PLXDC2: variants seen among roughly 807,000 people sequenced by gnomAD.
PLXDC2 encodes the protein plexin domain containing 2.
In PLXDC2, 40 loss-of-function variants were observed where a neutral mutation model predicts 68.9. The ratio of observed to expected loss-of-function variants is 0.58; its 90% CI spans 0.45 to 0.76. The LOEUF is 0.76. PLXDC2 is among the 30% of genes least tolerant of loss of function. The pLI is 0.00. For missense variants in PLXDC2, 644 were observed against 661.9 expected, an observed-to-expected ratio of 0.97 and a Z score of 0.30; for synonymous variants, 243 against 234.2, an observed-to-expected ratio of 1.04 and a Z score of -0.34.
At chr10:20,023,276 A>T (rs572944881) in intron 2 of PLXDC2, among the ~76,000 whole-genome samples, 1 of 152,026 alleles carries the variant, frequency 6.6e-6, no homozygotes. Flanking sequence ...ATTTATTCAC[A>T]TTTTACTCTT....
chr10:19,962,129 G>A (rs1038871134), intron 1 of PLXDC2, among the ~76,000 whole-genome samples: 4 of 152,046 alleles, frequency 2.6e-5, no homozygotes, highest in Admixed American at 2.0e-4. Flanking sequence ...TTAGGAAAAA[G>A]TCTTATATAT....
intron 9 of PLXDC2, among the ~76,000 whole-genome samples, chr10:20,194,276 T>C (rs1834808650): frequency 6.6e-6 from 1 of 151,252 alleles, no homozygotes; most frequent in South Asian, 2.1e-4. Flanking sequence ...AAGGGTATCA[T>C]CTTGGTAACC....
intron 1 of PLXDC2, among the ~76,000 whole-genome samples, chr10:19,881,099 T>C (rs1837718183): frequency 6.6e-6 from 1 of 152,084 alleles, no homozygotes; most frequent in African/African-American, 2.4e-5. Flanking sequence ...TTTCTGAAAT[T>C]TATGTGTAAG....
chr10:20,143,339 A>G lies in PLXDC2; in HGVS notation c.586A>G (p.Thr196Ala), dbSNP rs1834031333. The G allele has an allele frequency of 1.2e-6, 2 of 1,613,268 alleles. No homozygotes were observed. Among genetic ancestry groups the G allele is most frequent in the Non-Finnish European group, 1.7e-6 (2 of 1,179,362 alleles). ...AGTCGTACATCGAATGCTAACAGCC[A>G]CACAGTACATAGCACCTTTAATGGC... ...GEVVHRMLTA[T>A]QYIAPLMANF... Residue 196 changes from threonine to alanine, a missense_variant, in exon 5 of 14, where the codon ACA (threonine) becomes GCA (alanine). Transcript: ENST00000377252.
chr10:20,039,046 A>C (rs1564291628), intron 2 of PLXDC2, among the ~76,000 whole-genome samples: 1 of 152,184 alleles, frequency 6.6e-6, no homozygotes, highest in Non-Finnish European at 1.5e-5. Flanking sequence ...AATTTACCTC[A>C]CTAAAGTGAC....
intron 1 of PLXDC2, among the ~76,000 whole-genome samples, chr10:19,839,635 G>GTTT (rs1554838987): frequency 2.0e-5 from 3 of 147,286 alleles, no homozygotes; most frequent in Non-Finnish European, 4.5e-5. Flanking sequence ...ACATGTTGGT[G>GTTT]TTTTTTTTTT....
At chr10:19,941,576 A>G (rs912997592) in intron 1 of PLXDC2, among the ~76,000 whole-genome samples, 3 of 152,104 alleles carry the variant, frequency 2.0e-5, no homozygotes, top group Admixed American at 6.5e-5. Context: ...GGAATTCATC[A>G]TTTTGTTCTC....
intron 1 of PLXDC2, among the ~76,000 whole-genome samples, chr10:19,894,108 T>C (rs1337933951): frequency 6.6e-6 from 1 of 152,150 alleles, no homozygotes; most frequent in Non-Finnish European, 1.5e-5. Context: ...CAGGCTATAG[T>C]GCAGAACTGT....
intron 4 of PLXDC2, among the ~76,000 whole-genome samples, chr10:20,105,173 C>T (rs1165272726): frequency 6.6e-6 from 1 of 151,940 alleles, no homozygotes; most frequent in African/African-American, 2.4e-5. Context: ...CCTTGAGACT[C>T]TCCACCCGCC....
intron 3 of PLXDC2, among the ~76,000 whole-genome samples, chr10:20,051,898 C>T (rs7919778): frequency 0.19 from 29,408 of 151,818 alleles, 4,013 homozygotes; most frequent in East Asian, 0.57. Context: ...CTACTTGACT[C>T]TACTGTTATA....
intron 1 of PLXDC2, among the ~76,000 whole-genome samples, chr10:19,919,384 G>C (rs979688151): frequency 6.6e-6 from 1 of 151,986 alleles, no homozygotes; most frequent in African/African-American, 2.4e-5. Context: ...CAGGAATGCA[G>C]CTTGCTGCCA....
intron 2 of PLXDC2, among the ~76,000 whole-genome samples, chr10:20,026,928 A>G (rs1408878987): frequency 7.7e-5 from 7 of 91,094 alleles, no homozygotes; most frequent in Non-Finnish European, 1.4e-4. Flanking sequence ...TCTAATATAT[A>G]GAATACACTT....
intron 9 of PLXDC2, among the ~76,000 whole-genome samples, chr10:20,183,949 T>A (rs2358870): frequency 6.6e-6 from 1 of 151,728 alleles, no homozygotes; most frequent in Non-Finnish European, 1.5e-5. Context: ...CATATTTTCT[T>A]TGATCCAATC....
chr10:19,889,897 A>G (rs558122725), intron 1 of PLXDC2, among the ~76,000 whole-genome samples: 1 of 152,286 alleles, frequency 6.6e-6, no homozygotes, highest in African/African-American at 2.4e-5. Flanking sequence ...CAAAAATACT[A>G]CGGGGTTGTT....
At chr10:20,047,594 A>G (rs556879708) in intron 3 of PLXDC2, among the ~76,000 whole-genome samples, 1 of 152,254 alleles carries the variant, frequency 6.6e-6, no homozygotes, top group South Asian at 2.1e-4. Context: ...TAAATAATTT[A>G]ACTATTCTGA....
chr10:19,947,651 G>A (rs577792287), intron 1 of PLXDC2, among the ~76,000 whole-genome samples: 1 of 151,224 alleles, frequency 6.6e-6, no homozygotes, highest in South Asian at 2.1e-4. Context: ...ATACACCTCA[G>A]GGTGATTTAT....
At chr10:19,937,727 A>G (rs928551196) in intron 1 of PLXDC2, among the ~76,000 whole-genome samples, 1 of 151,954 alleles carries the variant, frequency 6.6e-6, no homozygotes, top group Non-Finnish European at 1.5e-5. Context: ...GTTTCTTGCC[A>G]CACTCTGTGG....
intron 1 of PLXDC2, among the ~76,000 whole-genome samples, chr10:19,870,748 A>G (rs1470416454): frequency 6.6e-6 from 1 of 152,116 alleles, no homozygotes; most frequent in Non-Finnish European, 1.5e-5. Flanking sequence ...TTGTACTTCA[A>G]CTATTACTAT....
chr10:19,875,709 CA>C (rs1837618363), intron 1 of PLXDC2, among the ~76,000 whole-genome samples: 1 of 152,072 alleles, frequency 6.6e-6, no homozygotes, highest in South Asian at 2.1e-4. Flanking sequence ...AATGGAAATC[CA>C]AAATGTGATT....
Sources: allele counts gnomAD v4.1 joint callset (sites outside exome capture counted in the v4.1 genomes callset), GRCh38; gene constraint gnomAD v4.1.1; transcripts MANE v1.5; gene names NCBI Gene and HGNC (gene_info 2026-07-23, HGNC 2026-07-21).